Variants in EYS observed in about 807,000 individuals in gnomAD.
EYS encodes protein eyes shut homolog.
EYS carries 250 observed loss-of-function variants against 282.1 expected under a neutral mutation model. The observed-to-expected ratio is 0.89, with a 90% CI of 0.80 to 0.98. EYS has a LOEUF of 0.98. Ranked by LOEUF, EYS falls within the 50% of genes least tolerant of loss-of-function variation. The pLI is 0.00. For missense variants in EYS, 4,016 were observed against 3,709.0 expected (o/e 1.08, Z -2.15); for synonymous variants, 1,355 against 1,282.9 (o/e 1.06, Z -1.20).
chr6:63,757,640 A>T (rs1212769153), intron 41 of EYS, among the ~76,000 whole-genome samples: 1 of 152,012 alleles, frequency 6.6e-6, no homozygotes, highest in Non-Finnish European at 1.5e-5. Context: ...CCAATATGTG[A>T]TGTCACCCCC....
intron 29 of EYS, among the ~76,000 whole-genome samples, chr6:64,341,462 T>A (rs1231044793): frequency 1.3e-5 from 2 of 151,786 alleles, no homozygotes; most frequent in Admixed American, 1.3e-4. Context: ...CAAATACTCA[T>A]GTTCTCACTT....
chr6:63,991,356 C>A (rs1767594185), intron 34 of EYS, among the ~76,000 whole-genome samples: 1 of 151,548 alleles, frequency 6.6e-6, no homozygotes, highest in South Asian at 2.1e-4. Flanking sequence ...ATGGCATAAT[C>A]AAAGGAACAA....
chr6:65,211,942 G>C (rs1167858691), intron 12 of EYS, among the ~76,000 whole-genome samples: 1 of 151,870 alleles, frequency 6.6e-6, no homozygotes, highest in Non-Finnish European at 1.5e-5. Flanking sequence ...TGAGGTAAAG[G>C]CATAATAGAT....
chr6:64,164,586 T>C (rs1775209130), intron 31 of EYS, among the ~76,000 whole-genome samples: 1 of 152,088 alleles, frequency 6.6e-6, no homozygotes, highest in African/African-American at 2.4e-5. Context: ...TGTTCACCAG[T>C]GACACCTTTG....
At chr6:64,051,648 A>G (rs1770813739) in intron 33 of EYS, among the ~76,000 whole-genome samples, 1 of 152,154 alleles carries the variant, frequency 6.6e-6, no homozygotes, top group Non-Finnish European at 1.5e-5. Context: ...AAGATCACTA[A>G]TTTTCACTTA....
At chr6:64,018,770 T>TG (rs1562153725) in intron 33 of EYS, among the ~76,000 whole-genome samples, 1 of 117,024 alleles carries the variant, frequency 8.5e-6, no homozygotes, top group African/African-American at 3.6e-5. Flanking sequence ...TTTTTTTTTT[T>TG]TTTTTTTTTT....
intron 29 of EYS, among the ~76,000 whole-genome samples, chr6:64,368,953 G>GT (rs1425942896): frequency 6.6e-6 from 1 of 151,990 alleles, no homozygotes; most frequent in East Asian, 1.9e-4. Context: ...ATTGCTCTTA[G>GT]TGTCTGCCTC....
At chr6:64,101,912 T>C (rs1200427897) in intron 31 of EYS, among the ~76,000 whole-genome samples, 1 of 152,030 alleles carries the variant, frequency 6.6e-6, no homozygotes, top group East Asian at 1.9e-4. Context: ...GTGTGCAACC[T>C]AGATCCTTCA....
Position 64,739,145 on chromosome 6 carries a change from T to C in EYS, c.3443+74233A>G, listed in dbSNP as rs1294836688. On this transcript the variant is annotated intron_variant, in intron 22 of 42. Coordinates refer to ENST00000503581, the MANE Select transcript of EYS (RefSeq NM_001142800.2). ...TCTATAGCCTCAGACAATCAAATAC[T>C]CTTTTTCATCATACAAGGTAGATGG... 4.6e-5 allele frequency among the ~76,000 whole-genome samples: 7 copies of C among 152,318 alleles called. No homozygotes were observed. In the East Asian group the frequency reaches 1.3e-3, roughly 29 times the overall value.
At chr6:64,369,500 A>G (rs548884940) in intron 29 of EYS, among the ~76,000 whole-genome samples, 3 of 152,168 alleles carry the variant, frequency 2.0e-5, no homozygotes, top group Admixed American at 6.6e-5. Context: ...TACTTTAGGC[A>G]GTATGACCAC....
rs141482500 is a variant in EYS, at chr6:64,469,984, G to T, written c.5645-30632C>A. Reference sequence around the variant, plus strand: ...TTTCTCTCTCTCCCTCTCTCTCTCTGCCTTGGCTGCCAGGCAGGGAAGGGC... The same window carrying T: ...TTTCTCTCTCTCCCTCTCTCTCTCTTCCTTGGCTGCCAGGCAGGGAAGGGC... On this transcript the variant is annotated intron_variant, in intron 26 of 42. Transcript: ENST00000503581. Among the ~76,000 whole-genome samples the T allele has an allele frequency of 3.3e-5, 5 of 152,192 alleles. No homozygotes were observed. The East Asian group carries it at 7.7e-4, about 24-fold the overall frequency.
At chr6:64,730,308 T>C (rs1280883389) in intron 22 of EYS, among the ~76,000 whole-genome samples, 2 of 152,122 alleles carry the variant, frequency 1.3e-5, no homozygotes. Flanking sequence ...AGAGTAATGT[T>C]ACAGATAAGT....
intron 15 of EYS, among the ~76,000 whole-genome samples, chr6:64,915,484 G>A (rs962179378): frequency 6.6e-6 from 1 of 152,092 alleles, no homozygotes; most frequent in Non-Finnish European, 1.5e-5. Context: ...AGAGTTTAAT[G>A]AAATTGGTAA....
chr6:64,947,662 T>C lies in EYS; in HGVS notation c.2260-1748A>G, dbSNP rs572112364. ...GTTTGGCTTATTTTTTCTTTTTTTT[T>C]TTTTTTGTAAACATTAAAAGAGGAC... is the stretch of plus-strand genomic sequence containing the variant. On this transcript the variant is annotated intron_variant, in intron 14 of 42. Coordinates refer to ENST00000503581, the MANE Select transcript of EYS (RefSeq NM_001142800.2). Among the ~76,000 whole-genome samples the C allele has an allele frequency of 4.6e-5, 7 of 151,362 alleles. No individual in the cohort carries two copies. In the South Asian group the frequency reaches 1.3e-3, roughly 27 times the overall value.
chr6:65,586,742 A>C (rs1033235023), intron 2 of EYS, among the ~76,000 whole-genome samples: 1 of 152,110 alleles, frequency 6.6e-6, no homozygotes, highest in Non-Finnish European at 1.5e-5. Flanking sequence ...TAAAGTAAAA[A>C]ATAAACCCAT....
chr6:63,836,421 A>C (rs1417694705), intron 36 of EYS, among the ~76,000 whole-genome samples: 1 of 152,144 alleles, frequency 6.6e-6, no homozygotes, highest in African/African-American at 2.4e-5. Flanking sequence ...ATTAACAGAA[A>C]GTTATTTGCA....
At chr6:64,774,222 A>T (rs185881637) in intron 22 of EYS, among the ~76,000 whole-genome samples, 6 of 152,014 alleles carry the variant, frequency 3.9e-5, no homozygotes, top group Admixed American at 3.3e-4. Flanking sequence ...TTGGGGAGAG[A>T]TTGGGGAAAC....
intron 26 of EYS, among the ~76,000 whole-genome samples, chr6:64,442,241 G>C (rs1190874475): frequency 1.3e-5 from 2 of 152,148 alleles, no homozygotes; most frequent in Non-Finnish European, 2.9e-5. Context: ...CCCTGCCCCA[G>C]AGAATTGTAG....
chr6:64,250,265 G>A (rs1207798274), intron 30 of EYS, among the ~76,000 whole-genome samples: 2 of 152,160 alleles, frequency 1.3e-5, no homozygotes, highest in East Asian at 1.9e-4. Flanking sequence ...CTGATAAGTC[G>A]GTAAACTATA....
Sources: gnomAD v4.1 joint callset for allele counts (sites outside exome capture counted in the v4.1 genomes callset) on GRCh38, gnomAD v4.1.1 for gene constraint, MANE v1.5 for transcripts, NCBI Gene and HGNC (gene_info 2026-07-23, HGNC 2026-07-21) for gene names.